SRSF4: variants seen among roughly 807,000 people sequenced by gnomAD.
The protein encoded by SRSF4 is serine/arginine-rich splicing factor 4.
SRSF4 carries 12 observed loss-of-function variants against 48.8 expected under a neutral mutation model. The observed-to-expected ratio is 0.25, with a 90% confidence interval of 0.16 to 0.40. The LOEUF is 0.40. Among genes scored for constraint, SRSF4 ranks in the 10% least tolerant of loss-of-function variants. The probability of loss-of-function intolerance (pLI) is 1.00; values close to 1 mark genes in which losing one functional copy is unlikely to be tolerated. For missense variants in SRSF4, 466 were observed against 667.1 expected (o/e 0.70, Z 3.32); for synonymous variants, 248 against 232.5 (o/e 1.07, Z -0.61).
intron 1 of SRSF4, among the ~76,000 whole-genome samples, chr1:29,177,509 T>C (rs916110240): frequency 1.3e-5 from 2 of 152,192 alleles, no homozygotes; most frequent in African/African-American, 2.4e-5. Flanking sequence ...CTTGAACTTA[T>C]GACCTTGGGT....
At chr1:29,158,310 C>T (rs962312115) in intron 3 of SRSF4, among the ~76,000 whole-genome samples, 3 of 152,126 alleles carry the variant, frequency 2.0e-5, no homozygotes, top group African/African-American at 7.2e-5. Context: ...TCAATTTCAC[C>T]AGTAAGGATA....
rs530559440 is a variant in SRSF4 at position 29,164,898 on chromosome 1, T to A, written c.108-4381A>T. Among the ~76,000 whole-genome samples, 3 of 152,308 alleles carry A rather than the reference T, an allele frequency of 2.0e-5. No individual in the cohort carries two copies. In the South Asian group the frequency reaches 6.2e-4, roughly 32 times the overall value. ...TCTGCAATAGGTTGAGTATTCTGAA[T>A]CCGAAAATCCAAAATCTGAAATGCT... On this transcript the variant is annotated intron_variant, in intron 1 of 5. Coordinates refer to ENST00000373795, the MANE Select transcript of SRSF4 (RefSeq NM_005626.5).
chr1:29,163,477 T>C (rs957482638), intron 1 of SRSF4, among the ~76,000 whole-genome samples: 4 of 152,330 alleles, frequency 2.6e-5, no homozygotes, highest in Admixed American at 1.3e-4. Flanking sequence ...TGATACGGAC[T>C]CTTGTTCTGA....
chr1:29,174,226 G>A (rs1376414927), intron 1 of SRSF4, among the ~76,000 whole-genome samples: 5 of 151,674 alleles, frequency 3.3e-5, no homozygotes, highest in Admixed American at 2.0e-4. Context: ...AAAAAAAATA[G>A]GAGCTCTTAA....
intron 3 of SRSF4, among the ~76,000 whole-genome samples, chr1:29,158,788 T>C (rs1223721760): frequency 6.6e-6 from 1 of 152,044 alleles, no homozygotes; most frequent in Non-Finnish European, 1.5e-5. Flanking sequence ...GCCATGATTG[T>C]GCCTCTGCAC....
chr1:29,152,516 C>T (rs1032737316), intron 4 of SRSF4, among the ~76,000 whole-genome samples: 1 of 152,166 alleles, frequency 6.6e-6, no homozygotes, highest in Non-Finnish European at 1.5e-5. Flanking sequence ...CCTTCTCTGC[C>T]TTATCTCAAG....
At chr1:29,155,321 C>T (rs1672483682) in intron 3 of SRSF4, among the ~76,000 whole-genome samples, 1 of 151,872 alleles carries the variant, frequency 6.6e-6, no homozygotes, top group African/African-American at 2.4e-5. Flanking sequence ...TCCCAGCTAC[C>T]CAGTAGGATG....
At chr1:29,153,023 G>A (rs1358917521) in intron 4 of SRSF4, among the ~76,000 whole-genome samples, 1 of 152,150 alleles carries the variant, frequency 6.6e-6, no homozygotes, top group African/African-American at 2.4e-5. Context: ...TAGGGAAGCT[G>A]TTGCCAGCTC....
At chr1:29,154,205 T>C (rs910931630) in intron 4 of SRSF4, among the ~76,000 whole-genome samples, 9 of 152,210 alleles carry the variant, frequency 5.9e-5, no homozygotes, top group Admixed American at 5.9e-4. Flanking sequence ...TCACTGGGAT[T>C]ATAGGCACCC....
In SRSF4 at chr1:29,149,094, G is replaced by C. The variant is rs1672359312; in HGVS notation, c.801C>G (p.Ser267Arg). 2 of 1,613,478 alleles carry C rather than the reference G, an allele frequency of 1.2e-6. No homozygotes were observed. The highest frequency in any genetic ancestry group is 2.2e-5 in the South Asian group (2 of 91,028). ...TCTCTTCAGCTTGGTCTTTGCTCTT[G>C]CTGCGGCTCTTGCCAGCGCTATGGC... ...SRSHSAGKSR[S>R]KSKDQAEEKI... is the part of the protein sequence containing the mutation. Residue 267 changes from serine to arginine, a missense_variant, in exon 6 of 6, where the codon AGC (serine) becomes AGG (arginine). By Grantham distance (110) the Ser-to-Arg change is moderately radical. This residue lies in a region of SRSF4 where 402 missense variants were observed against 437.0 expected (regional missense o/e 0.92). Transcript: ENST00000373795.
chr1:29,173,453 GTTTTTTTTTTTTCTTTTT>G (rs1672778656), intron 1 of SRSF4: 2 of 99,616 alleles, frequency 2.0e-5, no homozygotes, highest in Admixed American at 2.4e-4. Context: ...CTAAAAAGTT[GTTTTTTTTTTTTCTTTTT>G]TTTTTTTTTT....
intron 1 of SRSF4, chr1:29,168,446 T>A (rs750964912): frequency 6.6e-6 from 1 of 152,136 alleles, no homozygotes; most frequent in Non-Finnish European, 1.5e-5. Flanking sequence ...AAAGTCAGGC[T>A]GTAGTAAAGG....
At chr1:29,149,763 T>C (rs1672377640) in intron 5 of SRSF4, among the ~76,000 whole-genome samples, 1 of 151,150 alleles carries the variant, frequency 6.6e-6, no homozygotes, top group Admixed American at 6.6e-5. Context: ...CAAGTGAGGC[T>C]GGGCACAGTG....
chr1:29,149,356 G>T, intron 5 of SRSF4, 130 bp from the exon 6 acceptor site: 1 of 1,186,228 alleles, frequency 8.4e-7, no homozygotes, highest in Non-Finnish European at 1.2e-6. Flanking sequence ...GCTGAGGATT[G>T]TTTTCTGAAC....
chr1:29,178,558 A>G (rs2483715), intron 1 of SRSF4, among the ~76,000 whole-genome samples: 125,033 of 151,642 alleles, frequency 0.82, 52,122 homozygotes, highest in Middle Eastern at 0.89. Context: ...GGGTTTCACC[A>G]TCTTAACCAG....
Position 29,147,862 on chromosome 1 carries a change from C to T in SRSF4, c.*548G>A, listed in dbSNP as rs1400646779. On this transcript the variant is annotated 3_prime_UTR_variant, in exon 6 of 6. Transcript: ENST00000373795. ...TTTTCTTTTCTTTTTTAATATAAAA[C>T]AATATAATCACAATACCAGAATATG... 2 of 182,232 alleles carry T rather than the reference C, an allele frequency of 1.1e-5. No individual in the cohort carries two copies. The highest frequency in any genetic ancestry group is 2.4e-5 in the Non-Finnish European group (2 of 84,182). 11.3% of individuals were successfully genotyped at this position (182,232 alleles called of 1,614,324 possible).
At chr1:29,150,563 C>G (rs1185531873) in intron 4 of SRSF4, among the ~76,000 whole-genome samples, 1 of 152,170 alleles carries the variant, frequency 6.6e-6, no homozygotes, top group Non-Finnish European at 1.5e-5. Context: ...CGTACCCGGC[C>G]AAGATTTTCA....
At chr1:29,175,511 C>A (rs1672826641) in intron 1 of SRSF4, among the ~76,000 whole-genome samples, 1 of 150,038 alleles carries the variant, frequency 6.7e-6, no homozygotes, top group African/African-American at 2.5e-5. Flanking sequence ...CTGGGTAACA[C>A]AGTGAAACCC....
Position 29,148,742 on chromosome 1 carries a change from C to G in SRSF4, c.1153G>C (p.Asp385His). Residue 385 changes from aspartate to histidine, a missense_variant, in exon 6 of 6, where the codon GAC (aspartate) becomes CAC (histidine). By Grantham distance (81) the Asp-to-His change is moderately conservative (BLOSUM62 -1). Around this residue, in one of 2 missense-constraint regions of SRSF4, gnomAD observed 402 missense variants for 437.0 expected, o/e 0.92. Transcript: ENST00000373795. ...TTCTTGCTGCTGCCCGCCTTGCTGTCTCGCTTGCTGCCTCGCTTTCTGCTC... is the reference window on the plus strand; with the variant it reads ...TTCTTGCTGCTGCCCGCCTTGCTGTGTCGCTTGCTGCCTCGCTTTCTGCTC... Reference protein sequence around the residue: ...ERSRKRGSKRDSKAGSSKKKK... With the variant: ...ERSRKRGSKRHSKAGSSKKKK... 1 of 1,613,644 alleles carries G rather than the reference C, an allele frequency of 6.2e-7. No individual in the cohort carries two copies.
Sources: allele counts gnomAD v4.1 joint callset (sites outside exome capture counted in the v4.1 genomes callset), GRCh38; gene constraint gnomAD v4.1.1; regional missense constraint gnomAD v4.1.1; transcripts MANE v1.5; gene names NCBI Gene and HGNC (gene_info 2026-07-23, HGNC 2026-07-21).